Variants in RNLS observed in about 807,000 individuals in gnomAD.
The protein encoded by RNLS is renalase, FAD dependent amine oxidase.
A neutral mutation model predicts 39.8 loss-of-function variants in RNLS; 39 were observed. That is an observed-to-expected ratio of 0.98 (90% confidence interval 0.76 to 1.28). The LOEUF (loss-of-function observed/expected upper bound fraction) is 1.28, where lower values mean the gene tolerates loss of function less well. Among genes scored for constraint, RNLS ranks in the 50% most tolerant of loss-of-function variants. The probability of loss-of-function intolerance (pLI) is 0.00; values close to 1 mark genes in which losing one functional copy is unlikely to be tolerated. For missense variants in RNLS, 410 were observed against 413.3 expected (o/e 0.99, Z 0.07); for synonymous variants, 147 against 150.7 (o/e 0.98, Z 0.18).
chr10:88,545,542 G>A, intron 4 of RNLS: 1 of 442,110 alleles, frequency 2.3e-6, no homozygotes, highest in Non-Finnish European at 4.6e-6. Flanking sequence ...CACAAGTACA[G>A]CACGGGAAAA....
chr10:88,214,559 T>C, the RNLS span, among the ~76,000 whole-genome samples: 2 of 151,788 alleles, frequency 1.3e-5, no homozygotes, highest in African/African-American at 4.8e-5. Context: ...CATAATCATA[T>C]GCATATTTAT....
At chr10:88,175,550 T>C in the RNLS span, among the ~76,000 whole-genome samples, 1 of 152,344 alleles carries the variant, frequency 6.6e-6, no homozygotes, top group East Asian at 1.9e-4. Flanking sequence ...TTGTACTTTT[T>C]CCAAAGTTCC....
chr10:88,248,034 C>T, the RNLS span, among the ~76,000 whole-genome samples: 3 of 152,226 alleles, frequency 2.0e-5, no homozygotes, highest in Non-Finnish European at 4.4e-5. Context: ...TTTCTGACCT[C>T]TGCAACTGTA....
At chr10:88,468,973 T>C (rs961210754) in intron 4 of RNLS, among the ~76,000 whole-genome samples, 1 of 152,176 alleles carries the variant, frequency 6.6e-6, no homozygotes, top group Admixed American at 6.6e-5. Context: ...TATATACAGT[T>C]CTAAAAGCTC....
intron 6 of RNLS, among the ~76,000 whole-genome samples, chr10:88,291,987 G>C (rs1185386918): frequency 3.9e-5 from 6 of 152,052 alleles, no homozygotes; most frequent in Admixed American, 3.9e-4. Flanking sequence ...AAATATCAGG[G>C]CTTGTGGAAA....
intron 4 of RNLS, among the ~76,000 whole-genome samples, chr10:88,395,531 T>A (rs892833264): frequency 2.0e-5 from 3 of 151,900 alleles, no homozygotes; most frequent in Non-Finnish European, 4.4e-5. Flanking sequence ...AACTTGAAGA[T>A]GAGTCAACTG....
At position 88,574,334 on chromosome 10, in the gene RNLS, A is replaced by T. The variant is rs148705870; in HGVS notation, c.368-1273T>A. On this transcript the variant is annotated intron_variant, in intron 3 of 6. Transcript: ENST00000331772. ...AAAAGCACACTGAAAGATCCTGTTC[A>T]TCTTTACCTGGGAAATCTCACGTTC... Among the ~76,000 whole-genome samples the T allele has an allele frequency of 2.5e-3, 384 of 152,314 alleles. 1 individual carries two copies. Among genetic ancestry groups the T allele is most frequent in the African/African-American group, 8.9e-3 (371 of 41,586 alleles).
chr10:88,429,459 C>T (rs1448434999), intron 4 of RNLS, among the ~76,000 whole-genome samples: 3 of 151,888 alleles, frequency 2.0e-5, no homozygotes, highest in Admixed American at 6.6e-5. Flanking sequence ...TTGGAGTTCA[C>T]GTTCATCATC....
chr10:88,282,176 T>TG (rs1452471880), downstream of RNLS, among the ~76,000 whole-genome samples: 4 of 152,162 alleles, frequency 2.6e-5, no homozygotes, highest in Non-Finnish European at 4.4e-5. Context: ...GACTCCTGTA[T>TG]ATATCACATC....
intron 4 of RNLS, among the ~76,000 whole-genome samples, chr10:88,517,511 T>C (rs941507472): frequency 3.3e-5 from 5 of 151,958 alleles, no homozygotes. Context: ...GATATTTATT[T>C]TACATGGTAT....
chr10:88,209,064 AG>A, the RNLS span, among the ~76,000 whole-genome samples: 6 of 152,182 alleles, frequency 3.9e-5, no homozygotes, highest in Non-Finnish European at 8.8e-5. Flanking sequence ...TTTCCAATAA[AG>A]CTACCACTAT....
chr10:88,424,761 G>T lies in RNLS; in HGVS notation c.527-62036C>A, dbSNP rs139869692. ...GACTAGATATAAAAATTTTTAACGC[G>T]TGAATGCAGAGTAAGGAAAATGCAT... On this transcript the variant is annotated intron_variant, in intron 4 of 6. Transcript: ENST00000331772. 4.6e-5 allele frequency among the ~76,000 whole-genome samples: 7 copies of T among 152,172 alleles called. No individual in the cohort carries two copies. The East Asian group carries it at 1.2e-3, about 25-fold the overall frequency.
intron 4 of RNLS, among the ~76,000 whole-genome samples, chr10:88,502,803 C>T (rs1845580310): frequency 6.6e-6 from 1 of 152,038 alleles, no homozygotes; most frequent in Non-Finnish European, 1.5e-5. Context: ...TGATAGTTCT[C>T]AGAAGAATAA....
At chr10:88,354,494 A>G (rs1450425521) in intron 5 of RNLS, among the ~76,000 whole-genome samples, 2 of 152,194 alleles carry the variant, frequency 1.3e-5, no homozygotes, top group East Asian at 3.8e-4. Flanking sequence ...TTGGCTGGAT[A>G]TGAAATTCTG....
the RNLS span, among the ~76,000 whole-genome samples, chr10:88,234,072 AC>A: frequency 3.4e-5 from 5 of 145,576 alleles, no homozygotes; most frequent in Non-Finnish European, 7.5e-5. Flanking sequence ...GATGGCCCTG[AC>A]CCCCCTGCAG....
At chr10:88,179,121 T>C in the RNLS span, among the ~76,000 whole-genome samples, 1 of 152,138 alleles carries the variant, frequency 6.6e-6, no homozygotes, top group Non-Finnish European at 1.5e-5. Flanking sequence ...ACACAATAAA[T>C]AAATTATGTG....
At chr10:88,433,119 A>G (rs1162987989) in intron 4 of RNLS, among the ~76,000 whole-genome samples, 1 of 152,080 alleles carries the variant, frequency 6.6e-6, no homozygotes, top group East Asian at 1.9e-4. Flanking sequence ...GAGAAACTCC[A>G]GATTGTTTTA....
intron 4 of RNLS, among the ~76,000 whole-genome samples, chr10:88,407,495 G>A (rs1490438852): frequency 6.6e-6 from 1 of 151,722 alleles, no homozygotes; most frequent in Non-Finnish European, 1.5e-5. Context: ...ATTAACAATA[G>A]TACAAAGAAA....
intron 4 of RNLS, among the ~76,000 whole-genome samples, chr10:88,488,196 A>G (rs1844657000): frequency 6.6e-6 from 1 of 152,154 alleles, no homozygotes; most frequent in South Asian, 2.1e-4. Flanking sequence ...ATTAAATTAT[A>G]TACTTTCGAT....
Sources: gnomAD v4.1 joint callset for allele counts (sites outside exome capture counted in the v4.1 genomes callset) on GRCh38, gnomAD v4.1.1 for gene constraint, MANE v1.5 for transcripts, NCBI Gene and HGNC (gene_info 2026-07-23, HGNC 2026-07-21) for gene names.